Variants in SLC16A7 observed in about 807,000 individuals in gnomAD.
SLC16A7 encodes monocarboxylate transporter 2.
Under a neutral mutation model 34.9 loss-of-function variants are expected in SLC16A7, and 33 were observed. That is an observed-to-expected ratio of 0.94 (90% CI 0.72 to 1.26). SLC16A7 has a LOEUF of 1.26. SLC16A7 is among the 50% of genes most tolerant of loss of function. The pLI is 0.00. For synonymous variants in SLC16A7, 201 were observed against 206.6 expected (o/e 0.97, Z 0.23); for missense variants, 573 against 578.1 (o/e 0.99, Z 0.09).
At chr12:59,744,110 A>G (rs1283028128) in intron 3 of SLC16A7, among the ~76,000 whole-genome samples, 2 of 152,268 alleles carry the variant, frequency 1.3e-5, no homozygotes, top group Non-Finnish European at 2.9e-5. Flanking sequence ...GACTGGAGGC[A>G]GGGAAATTCT....
At chr12:59,704,726 A>G in intron 2 of SLC16A7, 46 bp from the exon 3 acceptor site, 1 of 1,000,154 alleles carries the variant, frequency 1.0e-6, no homozygotes, top group Non-Finnish European at 1.5e-6. Flanking sequence ...GTGGTAAACA[A>G]AAGGGGAAAT....
chr12:59,766,139 A>T (rs1359264250), intron 3 of SLC16A7, among the ~76,000 whole-genome samples: 2 of 150,040 alleles, frequency 1.3e-5, no homozygotes, highest in South Asian at 4.2e-4. Context: ...TCTGTTTGTT[A>T]TTGGTGTATA....
chr12:59,704,976 G>T lies in SLC16A7; in HGVS notation c.175G>T (p.Ala59Ser), dbSNP rs1331649777. The stretch of plus-strand genomic sequence containing the variant: ...ATTCCACACTACCTACAGTGAAATA[G>T]CATGGATTTCATCCATTATGCTGGC... The part of the protein sequence containing the change: ...QIFHTTYSEI[A>S]WISSIMLAVM... The change falls in exon 3 of 6, where the codon GCA becomes TCA. Residue 59 changes from alanine (A) to serine (S), a missense_variant. Ala to Ser is a moderately conservative substitution (Grantham distance 99, BLOSUM62 1). Transcript: ENST00000547379. The T allele has an allele frequency of 6.2e-7, 1 of 1,613,194 alleles. No individual in the cohort carries two copies. The highest frequency in any genetic ancestry group is 8.5e-7 in the Non-Finnish European group (1 of 1,179,314).
chr12:59,635,980 A>T (rs1880403410), intron 1 of SLC16A7, among the ~76,000 whole-genome samples: 1 of 139,150 alleles, frequency 7.2e-6, no homozygotes, highest in Non-Finnish European at 1.5e-5. Context: ...TATTTCACCA[A>T]TTTCTATTAA....
intron 3 of SLC16A7, among the ~76,000 whole-genome samples, chr12:59,751,134 C>G (rs1879492963): frequency 6.6e-6 from 1 of 152,144 alleles, no homozygotes; most frequent in Admixed American, 6.5e-5. Flanking sequence ...TTGCTGGAGC[C>G]AAATAGGAAC....
At chr12:59,671,680 A>C (rs11173110) in intron 2 of SLC16A7, among the ~76,000 whole-genome samples, 51,161 of 118,206 alleles carry the variant, frequency 0.43, 9,530 homozygotes, top group Middle Eastern at 0.53. Context: ...CTCTCTCTCT[A>C]TATATATATA....
Position 59,779,778 on chromosome 12 carries a change from G to A in SLC16A7, c.*99G>A, listed in dbSNP as rs1883108334. ...TATTAGAAAAGGTTTTAGCTGAAATGAGGAGTCACAATTAAGGATGGAGGT... is the reference window on the plus strand; with the variant it reads ...TATTAGAAAAGGTTTTAGCTGAAATAAGGAGTCACAATTAAGGATGGAGGT... On this transcript the variant is annotated 3_prime_UTR_variant, in exon 6 of 6. Coordinates refer to ENST00000547379, the MANE Select transcript of SLC16A7 (RefSeq NM_001270623.2). The A allele has an allele frequency of 2.1e-6, 2 of 955,984 alleles. No homozygotes were observed. Among genetic ancestry groups the A allele is most frequent in the Admixed American group, 3.0e-5 (1 of 32,838 alleles). The allele number at this position is 955,984 out of a possible 1,614,324, so 59.2% of individuals were successfully genotyped here. A position where few individuals can be genotyped will look rare whatever the true frequency, so the allele number is the denominator to read the frequency against.
chr12:59,772,982 A>G (rs1287146620), intron 4 of SLC16A7, among the ~76,000 whole-genome samples: 5 of 152,030 alleles, frequency 3.3e-5, no homozygotes, highest in Admixed American at 6.6e-5. Context: ...TTTCAAGCCT[A>G]TGTTTGTTTA....
At chr12:59,747,673 G>C (rs973167908) in intron 3 of SLC16A7, among the ~76,000 whole-genome samples, 6 of 152,194 alleles carry the variant, frequency 3.9e-5, no homozygotes, top group African/African-American at 1.4e-4. Flanking sequence ...TCCATTTGCA[G>C]ACTCTAACCA....
At chr12:59,712,825 C>T (rs1874398377) in intron 3 of SLC16A7, among the ~76,000 whole-genome samples, 2 of 151,880 alleles carry the variant, frequency 1.3e-5, no homozygotes, top group Admixed American at 6.6e-5. Context: ...TTTTTTTAAT[C>T]CCCCCTCATA....
intron 3 of SLC16A7, among the ~76,000 whole-genome samples, chr12:59,746,791 A>C (rs1340228604): frequency 6.6e-6 from 1 of 152,172 alleles, no homozygotes; most frequent in African/African-American, 2.4e-5. Flanking sequence ...CTACCCCCTC[A>C]AAGTCAGAAA....
At chr12:59,740,532 A>G in intron 3 of SLC16A7, among the ~76,000 whole-genome samples, 1 of 152,164 alleles carries the variant, frequency 6.6e-6, no homozygotes. Context: ...AAAAACTCTC[A>G]ATAAATTAGG....
intron 2 of SLC16A7, among the ~76,000 whole-genome samples, chr12:59,694,334 T>C (rs1872023358): frequency 6.6e-6 from 1 of 151,920 alleles, no homozygotes; most frequent in African/African-American, 2.4e-5. Flanking sequence ...TCTAAAACAC[T>C]ACCTTTTTAA....
intron 2 of SLC16A7, among the ~76,000 whole-genome samples, chr12:59,658,408 G>A (rs1243203806): frequency 6.6e-6 from 1 of 152,028 alleles, no homozygotes; most frequent in Non-Finnish European, 1.5e-5. Context: ...TTTGAACATG[G>A]AACCTACAAA....
At chr12:59,763,333 T>G (rs1374207229) in intron 3 of SLC16A7, among the ~76,000 whole-genome samples, 1 of 152,108 alleles carries the variant, frequency 6.6e-6, no homozygotes, top group African/African-American at 2.4e-5. Flanking sequence ...TATTTTATTT[T>G]CAGTATTAGT....
intron 1 of SLC16A7, among the ~76,000 whole-genome samples, chr12:59,606,860 A>ATATG (rs1555160769): frequency 1.3e-5 from 2 of 151,156 alleles, no homozygotes; most frequent in East Asian, 3.9e-4. Flanking sequence ...ATATATATAT[A>ATATG]TGTGTGTGTG....
chr12:59,661,807 G>A (rs1223628590), intron 2 of SLC16A7, among the ~76,000 whole-genome samples: 1 of 152,058 alleles, frequency 6.6e-6, no homozygotes. Flanking sequence ...AAGCAAATTT[G>A]ACTGATGCCA....
intron 3 of SLC16A7, among the ~76,000 whole-genome samples, chr12:59,770,396 C>T (rs753214922): frequency 6.6e-6 from 1 of 152,146 alleles, no homozygotes. Context: ...TAAAGAGCTA[C>T]ACCCAATCTT....
intron 3 of SLC16A7, among the ~76,000 whole-genome samples, chr12:59,714,460 G>A (rs1226899222): frequency 6.6e-6 from 1 of 152,122 alleles, no homozygotes; most frequent in Non-Finnish European, 1.5e-5. Context: ...TTTCTGGTGG[G>A]GCCTCTCTCT....
Sources: gnomAD v4.1 joint callset for allele counts (sites outside exome capture counted in the v4.1 genomes callset) on GRCh38, gnomAD v4.1.1 for gene constraint, MANE v1.5 for transcripts, NCBI Gene and HGNC (gene_info 2026-07-23, HGNC 2026-07-21) for gene names.